Variants in IKZF2 observed in about 807,000 individuals in gnomAD.
IKZF2 encodes zinc finger protein Helios.
Under a neutral mutation model 49.2 loss-of-function variants are expected in IKZF2, and 15 were observed. The ratio of observed to expected loss-of-function variants is 0.30; its 90% CI spans 0.20 to 0.47. The LOEUF (loss-of-function observed/expected upper bound fraction) is 0.47, where lower values mean the gene tolerates loss of function less well. Ranked by LOEUF, IKZF2 falls within the 20% of genes least tolerant of loss-of-function variation. The pLI is 1.00. For missense variants in IKZF2, 567 were observed against 664.6 expected (o/e 0.85, Z 1.61); for synonymous variants, 227 against 221.4 (o/e 1.03, Z -0.23).
chr2:213,036,301 G>A (rs1237672566), intron 6 of IKZF2, among the ~76,000 whole-genome samples: 1 of 152,168 alleles, frequency 6.6e-6, no homozygotes. Context: ...ATGACTGCGT[G>A]AGGACATTAG....
At chr2:213,073,564 C>G (rs1702936345) in intron 4 of IKZF2, among the ~76,000 whole-genome samples, 1 of 152,108 alleles carries the variant, frequency 6.6e-6, no homozygotes, top group Non-Finnish European at 1.5e-5. Context: ...AGAGGTAACA[C>G]TACAAGAAAA....
At chr2:213,086,000 G>A (rs1038354974) in intron 4 of IKZF2, among the ~76,000 whole-genome samples, 4 of 152,120 alleles carry the variant, frequency 2.6e-5, no homozygotes, top group African/African-American at 9.7e-5. Context: ...GTGGTGAGAC[G>A]TGGGGTAAAG....
intron 6 of IKZF2, among the ~76,000 whole-genome samples, chr2:213,042,441 T>C (rs1699753692): frequency 6.6e-6 from 1 of 152,206 alleles, no homozygotes; most frequent in South Asian, 2.1e-4. Flanking sequence ...TACGTCCGAG[T>C]ATACTTCTAG....
chr2:213,120,091 T>C (rs1055036190), intron 4 of IKZF2, among the ~76,000 whole-genome samples: 6 of 152,220 alleles, frequency 3.9e-5, no homozygotes, highest in African/African-American at 1.4e-4. Flanking sequence ...CACTCTCCTT[T>C]TAGTCATTTG....
chr2:213,056,835 G>C lies in IKZF2; in HGVS notation c.404C>G (p.Thr135Ser). Residue 135 changes from threonine (T) to serine (S), a missense_variant and splice_region_variant, in exon 5 of 9, where the codon ACT becomes AGT. Around this residue, in one of 5 missense-constraint regions of IKZF2, gnomAD observed 54 missense variants for 119.9 expected, o/e 0.45. Coordinates refer to ENST00000434687, the MANE Select transcript of IKZF2 (RefSeq NM_001387220.1). Reference sequence around the variant, plus strand: ...AGGTTATTCTTTCAGCTGCTTACCAGTGTGACTCCTTTTATGTACCATAAG... The same window carrying C: ...AGGTTATTCTTTCAGCTGCTTACCACTGTGACTCCTTTTATGTACCATAAG... ...NVLMVHKRSH[T>S]GERPFHCNQC... 1 of 1,613,662 alleles carries C rather than the reference G, an allele frequency of 6.2e-7. No individual in the cohort carries two copies. The highest frequency in any genetic ancestry group is 8.5e-7 in the Non-Finnish European group (1 of 1,179,794).
chr2:213,013,856 G>C lies in IKZF2; in HGVS notation c.791C>G (p.Ala264Gly). The C allele has an allele frequency of 1.9e-6, 3 of 1,612,038 alleles. No individual in the cohort carries two copies. The highest frequency in any genetic ancestry group is 2.5e-6 in the Non-Finnish European group (3 of 1,178,490). Residue 264 changes from alanine to glycine, a missense_variant, in exon 8 of 9, where the codon GCT becomes GGT. Ala to Gly is a moderately conservative substitution (Grantham distance 60). This residue lies in a region of IKZF2 where 310 missense variants were observed against 326.9 expected (regional missense o/e 0.95). Coordinates refer to ENST00000434687, the MANE Select transcript of IKZF2 (RefSeq NM_001387220.1). ...NISLVPFERP[A>G]VIEKLTGNMG... is the part of the protein sequence containing the mutation. Reference sequence around the variant, plus strand: ...ATTCCCCGTGAGCTTCTCTATGACAGCAGGTCTCTCAAAAGGCACCAGAGA... The same window carrying C: ...ATTCCCCGTGAGCTTCTCTATGACACCAGGTCTCTCAAAAGGCACCAGAGA...
At chr2:213,038,147 G>A (rs1421658084) in intron 6 of IKZF2, among the ~76,000 whole-genome samples, 2 of 151,786 alleles carry the variant, frequency 1.3e-5, no homozygotes, top group African/African-American at 4.8e-5. Context: ...TACAAGCTCC[G>A]CCTCCCAGAT....
At chr2:213,148,540 G>A in intron 3 of IKZF2, 56 bp downstream of exon 3, 1 of 1,192,866 alleles carries the variant, frequency 8.4e-7, no homozygotes, top group Non-Finnish European at 1.2e-6. Context: ...TTAAAACACA[G>A]GTAATACAAA....
chr2:213,143,006 A>G (rs2060925551), intron 4 of IKZF2, among the ~76,000 whole-genome samples: 1 of 152,002 alleles, frequency 6.6e-6, no homozygotes, highest in Non-Finnish European at 1.5e-5. Context: ...CAGGCCAACA[A>G]ATACATTTAA....
intron 6 of IKZF2, among the ~76,000 whole-genome samples, chr2:213,038,814 TAAAG>T (rs1246477906): frequency 6.6e-6 from 1 of 152,174 alleles, no homozygotes; most frequent in African/African-American, 2.4e-5. Flanking sequence ...GTTGTCAATT[TAAAG>T]AAACGATGTG....
chr2:213,146,403 C>T (rs570113352), intron 4 of IKZF2, among the ~76,000 whole-genome samples: 49 of 151,918 alleles, frequency 3.2e-4, no homozygotes, highest in South Asian at 8.3e-4. Flanking sequence ...CTAAATGATA[C>T]GGGAATTGTA....
At chr2:213,113,498 G>A (rs527783333) in intron 4 of IKZF2, among the ~76,000 whole-genome samples, 1 of 151,966 alleles carries the variant, frequency 6.6e-6, no homozygotes, top group African/African-American at 2.4e-5. Flanking sequence ...AAGCTTGCTG[G>A]GATTTATCCA....
chr2:213,014,054 TAGAA>T, intron 7 of IKZF2, 120 bp from the exon 8 acceptor site: 1 of 803,132 alleles, frequency 1.2e-6, no homozygotes, highest in Non-Finnish European at 2.0e-6. Flanking sequence ...TAGAAGCAAG[TAGAA>T]AGAATACCCT....
intron 4 of IKZF2, among the ~76,000 whole-genome samples, chr2:213,088,099 T>C (rs1264149748): frequency 6.6e-6 from 1 of 152,196 alleles, no homozygotes; most frequent in Non-Finnish European, 1.5e-5. Flanking sequence ...CCACAATGGT[T>C]GAACTAGTTT....
intron 4 of IKZF2, among the ~76,000 whole-genome samples, chr2:213,123,435 AATTTT>A (rs1272570316): frequency 6.6e-6 from 1 of 152,198 alleles, no homozygotes; most frequent in Non-Finnish European, 1.5e-5. Context: ...TTTTGTACAA[AATTTT>A]ATTTTAACCA....
intron 4 of IKZF2, among the ~76,000 whole-genome samples, chr2:213,091,181 GGTAA>G (rs1218632769): frequency 5.3e-5 from 8 of 152,098 alleles, no homozygotes; most frequent in African/African-American, 1.7e-4. Context: ...AAAATTGGAA[GGTAA>G]GTGTTTGTGT....
intron 4 of IKZF2, among the ~76,000 whole-genome samples, chr2:213,105,997 T>C (rs956215061): frequency 1.1e-4 from 16 of 152,218 alleles, no homozygotes; most frequent in African/African-American, 3.9e-4. Context: ...ACAATTTGTT[T>C]GAAAACGTTT....
intron 6 of IKZF2, among the ~76,000 whole-genome samples, chr2:213,043,823 G>A (rs901762601): frequency 3.9e-5 from 6 of 152,234 alleles, no homozygotes; most frequent in Admixed American, 2.6e-4. Context: ...CTCCTGCTAT[G>A]CGGCTCAATT....
rs545773528 is a variant in IKZF2, at chr2:213,147,004, ATAAAG to A, written c.139+699_139+703del. 2.6e-3 allele frequency among the ~76,000 whole-genome samples: 390 copies of A among 152,262 alleles called. 1 individual carries two copies. The highest frequency in any genetic ancestry group is 9.0e-3 in the African/African-American group (373 of 41,582). On this transcript the variant is annotated intron_variant, in intron 4 of 8. Transcript: ENST00000434687. ...TAAGAAAAAAGCAACCATATTCTTA[ATAAAG>A]TATTTTGTCTTCTGTCACTGACAGC...
Sources: gnomAD v4.1 joint callset for allele counts (sites outside exome capture counted in the v4.1 genomes callset) on GRCh38, gnomAD v4.1.1 for gene constraint, gnomAD v4.1.1 regional missense constraint, MANE v1.5 for transcripts, NCBI Gene and HGNC (gene_info 2026-07-23, HGNC 2026-07-21) for gene names.